DIP2B: variants seen among roughly 807,000 people sequenced by gnomAD.
The protein encoded by DIP2B is disco-interacting protein 2 homolog B.
Under a neutral mutation model 198.0 loss-of-function variants are expected in DIP2B, and 76 were observed. The observed-to-expected ratio is 0.38, with a 90% CI of 0.32 to 0.46. DIP2B has a LOEUF of 0.46. DIP2B is among the 20% of genes least tolerant of loss of function. The probability of loss-of-function intolerance (pLI) is 0.99; values close to 1 mark genes in which losing one functional copy is unlikely to be tolerated. For missense variants in DIP2B, 1,559 were observed against 1,978.4 expected (o/e 0.79, Z 4.02); for synonymous variants, 701 against 739.1 (o/e 0.95, Z 0.84).
intron 1 of DIP2B, among the ~76,000 whole-genome samples, chr12:50,555,101 A>G (rs529686763): frequency 8.5e-5 from 13 of 152,178 alleles, no homozygotes; most frequent in African/African-American, 3.1e-4. Flanking sequence ...TTTTTGGAAT[A>G]TAATATTCTT....
intron 3 of DIP2B, among the ~76,000 whole-genome samples, chr12:50,653,341 C>CTTTTCTTTTTTTTTTTTTTTTT (rs1938493637): frequency 1.4e-5 from 1 of 70,144 alleles, no homozygotes; most frequent in African/African-American, 5.3e-5. Flanking sequence ...TTTTTTTTTT[C>CTTTTCTTTTTTTTTTTTTTTTT]TTTTCTTTTT....
At chr12:50,535,619 C>T (rs1358839205) in intron 1 of DIP2B, among the ~76,000 whole-genome samples, 1 of 151,910 alleles carries the variant, frequency 6.6e-6, no homozygotes, top group Non-Finnish European at 1.5e-5. Flanking sequence ...GATCCTCCTG[C>T]CTCGGTCTCC....
intron 3 of DIP2B, among the ~76,000 whole-genome samples, chr12:50,652,537 A>G (rs1938475949): frequency 1.3e-5 from 2 of 151,924 alleles, no homozygotes; most frequent in Non-Finnish European, 2.9e-5. Context: ...CTCCATTTCA[A>G]AAAAAAGAAG....
chr12:50,698,211 A>G, intron 17 of DIP2B, 117 bp from the exon 18 acceptor site: 1 of 1,298,684 alleles, frequency 7.7e-7, no homozygotes, highest in Admixed American at 2.6e-5. Flanking sequence ...TATTTTTGGG[A>G]GAGAAAATGG....
At chr12:50,613,332 G>A (rs1959047348) in intron 1 of DIP2B, among the ~76,000 whole-genome samples, 2 of 152,166 alleles carry the variant, frequency 1.3e-5, no homozygotes, top group South Asian at 4.1e-4. Flanking sequence ...GAACGAAATA[G>A]GCAGTGAATG....
chr12:50,640,596 C>T (rs1181073402), intron 2 of DIP2B, 128 bp from the exon 3 acceptor site: 36 of 967,018 alleles, frequency 3.7e-5, no homozygotes, highest in Non-Finnish European at 5.0e-5. Flanking sequence ...TATATTGAAA[C>T]TCTAACCCTT....
At chr12:50,514,433 C>T (rs1028436007) in intron 1 of DIP2B, among the ~76,000 whole-genome samples, 18 of 152,156 alleles carry the variant, frequency 1.2e-4, no homozygotes, top group Non-Finnish European at 5.9e-5. Context: ...CTCCCTAACA[C>T]TTGGCAGACT....
intron 1 of DIP2B, among the ~76,000 whole-genome samples, chr12:50,601,177 C>G (rs1477698890): frequency 6.6e-6 from 1 of 152,154 alleles, no homozygotes; most frequent in Admixed American, 6.5e-5. Flanking sequence ...TCCCAAGTGC[C>G]TAGACCAGTG....
At chr12:50,681,532 C>G (rs903081870) in intron 9 of DIP2B, among the ~76,000 whole-genome samples, 2 of 152,006 alleles carry the variant, frequency 1.3e-5, no homozygotes, top group Non-Finnish European at 2.9e-5. Flanking sequence ...TAAGAAAAAA[C>G]CGATTGACAG....
intron 1 of DIP2B, among the ~76,000 whole-genome samples, chr12:50,573,291 C>T (rs1440924174): frequency 1.3e-5 from 2 of 152,224 alleles, no homozygotes; most frequent in Non-Finnish European, 2.9e-5. Context: ...AAGCTCTGTG[C>T]TGGTGCTTCA....
chr12:50,691,399 A>G (rs576374335), intron 13 of DIP2B, among the ~76,000 whole-genome samples: 121 of 152,276 alleles, frequency 7.9e-4, no homozygotes, highest in African/African-American at 2.7e-3. Context: ...CCTAATTAAA[A>G]TCCTGTTTTT....
At chr12:50,508,132 G>T (rs1432659095) in intron 1 of DIP2B, among the ~76,000 whole-genome samples, 1 of 152,178 alleles carries the variant, frequency 6.6e-6, no homozygotes, top group East Asian at 1.9e-4. Flanking sequence ...GGTGCTTCAG[G>T]CAGGTCACCA....
intron 1 of DIP2B, among the ~76,000 whole-genome samples, chr12:50,615,303 G>A (rs1201665746): frequency 6.6e-6 from 1 of 151,868 alleles, no homozygotes; most frequent in East Asian, 1.9e-4. Flanking sequence ...TTCATAATTA[G>A]ATGCACGTAG....
intron 1 of DIP2B, among the ~76,000 whole-genome samples, chr12:50,512,613 C>CT (rs1958028319): frequency 6.6e-6 from 1 of 152,182 alleles, no homozygotes; most frequent in South Asian, 2.1e-4. Flanking sequence ...ATTTTGACAT[C>CT]TGGTGGGCCT....
Position 50,697,097 on chromosome 12 carries a change from T to C in DIP2B, c.1970T>C (p.Phe657Ser), listed in dbSNP as rs752345597. Residue 657 changes from phenylalanine to serine, a missense_variant, in exon 17 of 38, where the codon TTC becomes TCC. Physicochemically the swap from Phe to Ser is radical, Grantham distance 155. Coordinates refer to ENST00000301180, the MANE Select transcript of DIP2B (RefSeq NM_173602.3). Reference protein sequence around the residue: ...VSSCDAFLSLFQSHGLKPEAI... With the variant: ...VSSCDAFLSLSQSHGLKPEAI... ...TCCTGTGATGCCTTCCTGAGTCTGT[T>C]CCAAAGTCATGGACTGAAGCCTGAG... 6.8e-6 allele frequency: 11 copies of C among 1,614,130 alleles called. No homozygotes were observed. Among genetic ancestry groups the C allele is most frequent in the Non-Finnish European group, 9.3e-6 (11 of 1,179,992 alleles).
At chr12:50,727,940 C>A in intron 29 of DIP2B, 128 bp downstream of exon 29, 1 of 705,290 alleles carries the variant, frequency 1.4e-6, no homozygotes. Flanking sequence ...ATCTAAGTCG[C>A]TGCTCTATTT....
At chr12:50,525,950 C>G (rs1259828495) in intron 1 of DIP2B, among the ~76,000 whole-genome samples, 6 of 152,198 alleles carry the variant, frequency 3.9e-5, no homozygotes, top group Non-Finnish European at 8.8e-5. Flanking sequence ...TCTCACCACT[C>G]TCTTTTACTT....
intron 37 of DIP2B, 150 bp from the exon 38 acceptor site, chr12:50,744,437 A>C (rs1281382355): frequency 1.1e-6 from 1 of 941,520 alleles, no homozygotes; most frequent in Non-Finnish European, 1.6e-6. Context: ...GGTAAAATTG[A>C]AAGGTGTCAT....
intron 1 of DIP2B, among the ~76,000 whole-genome samples, chr12:50,519,670 TG>T (rs1470863426): frequency 6.6e-6 from 1 of 152,188 alleles, no homozygotes; most frequent in Non-Finnish European, 1.5e-5. Context: ...GATTCTGGGT[TG>T]TACTTACATG....
Sources: gnomAD v4.1 joint callset for allele counts (sites outside exome capture counted in the v4.1 genomes callset) on GRCh38, gnomAD v4.1.1 for gene constraint, MANE v1.5 for transcripts, NCBI Gene and HGNC (gene_info 2026-07-23, HGNC 2026-07-21) for gene names.